The following SGSM1 variants were observed in gnomAD, a reference collection of about 807,000 sequenced individuals.
SGSM1 encodes the protein small G protein signaling modulator 1, also known as RUN and TBC1 domain containing 2.
SGSM1 carries 73 observed loss-of-function variants against 133.8 expected under a neutral mutation model. The ratio of observed to expected loss-of-function variants is 0.55; its 90% confidence interval spans 0.45 to 0.66. SGSM1 has a LOEUF of 0.66. SGSM1 is among the 30% of genes least tolerant of loss of function. The pLI, the probability that SGSM1 is intolerant of heterozygous loss-of-function variation, is 0.00. For synonymous variants in SGSM1, 563 were observed against 573.0 expected, an observed-to-expected ratio of 0.98 and a Z score of 0.25; for missense variants, 1,213 against 1,448.1, an observed-to-expected ratio of 0.84 and a Z score of 2.64.
chr22:24,883,910 A>G, intron 14 of SGSM1, 143 bp from the exon 15 acceptor site: 2 of 971,698 alleles, frequency 2.1e-6, no homozygotes, highest in South Asian at 4.4e-5. Flanking sequence ...GAGCCATGAT[A>G]ATAATAAATA....
intron 8 of SGSM1, 133 bp downstream of exon 8, chr22:24,855,813 C>T (rs1842350066): frequency 3.9e-6 from 5 of 1,296,304 alleles, no homozygotes; most frequent in East Asian, 4.9e-5. Context: ...CATCCACCCG[C>T]CCAACACTCA....
At chr22:24,904,453 G>C (rs575565619) in intron 20 of SGSM1, among the ~76,000 whole-genome samples, 1 of 151,796 alleles carries the variant, frequency 6.6e-6, no homozygotes, top group East Asian at 1.9e-4. Context: ...GGTGGCGGGC[G>C]CCTGTAGTCC....
At chr22:24,825,676 C>CTCA (rs1421033010) in intron 2 of SGSM1, among the ~76,000 whole-genome samples, 6 of 152,168 alleles carry the variant, frequency 3.9e-5, no homozygotes, top group African/African-American at 1.4e-4. Flanking sequence ...GTGATCCACC[C>CTCA]GCCTCAGCCT....
chr22:24,907,464 T>C (rs1192947378), intron 21 of SGSM1, among the ~76,000 whole-genome samples: 1 of 152,006 alleles, frequency 6.6e-6, no homozygotes, highest in East Asian at 1.9e-4. Context: ...GTAGCAATGC[T>C]CTCCAATGAT....
chr22:24,893,326 G>A, intron 16 of SGSM1, 105 bp from the exon 17 acceptor site: 1 of 1,195,460 alleles, frequency 8.4e-7, no homozygotes, highest in Non-Finnish European at 1.2e-6. Flanking sequence ...GATGTTAACT[G>A]CGTGAATGTT....
intron 16 of SGSM1, among the ~76,000 whole-genome samples, chr22:24,887,536 T>A (rs141451047): frequency 1.3e-5 from 2 of 152,358 alleles, no homozygotes; most frequent in African/African-American, 4.8e-5. Context: ...AATCAAGCTG[T>A]AATGAACATT....
intron 8 of SGSM1, 106 bp from the exon 9 acceptor site, chr22:24,859,610 C>T (rs765177432): frequency 3.3e-6 from 5 of 1,498,454 alleles, no homozygotes; most frequent in Non-Finnish European, 4.5e-6. Flanking sequence ...AGGGATTAAC[C>T]CAACCTCTTA....
intron 21 of SGSM1, among the ~76,000 whole-genome samples, chr22:24,905,589 C>A (rs965390416): frequency 6.6e-6 from 1 of 151,922 alleles, no homozygotes; most frequent in Admixed American, 6.6e-5. Flanking sequence ...AGATCGAGAC[C>A]ATCCTGGTGA....
At chr22:24,890,188 C>T (rs1244397895) in intron 16 of SGSM1, among the ~76,000 whole-genome samples, 1 of 151,566 alleles carries the variant, frequency 6.6e-6, no homozygotes, top group East Asian at 1.9e-4. Context: ...GATCTCCTGA[C>T]CTTGTGATCC....
At chr22:24,842,571 A>C (rs779330535) in intron 2 of SGSM1, among the ~76,000 whole-genome samples, 7 of 152,086 alleles carry the variant, frequency 4.6e-5, no homozygotes, top group Non-Finnish European at 8.8e-5. Flanking sequence ...CATAGCCATA[A>C]AGCAAGGAAA....
At chr22:24,826,927 C>T (rs1051625394) in intron 2 of SGSM1, among the ~76,000 whole-genome samples, 1 of 152,050 alleles carries the variant, frequency 6.6e-6, no homozygotes, top group African/African-American at 2.4e-5. Flanking sequence ...AAACTGAGGC[C>T]CAAGGTCACC....
intron 9 of SGSM1, among the ~76,000 whole-genome samples, chr22:24,861,227 C>T (rs987064836): frequency 1.3e-5 from 2 of 151,100 alleles, no homozygotes; most frequent in African/African-American, 2.4e-5. Context: ...GTGGCGGGCA[C>T]CTGTAATCCC....
chr22:24,902,301 A>G (rs563217154), intron 20 of SGSM1, among the ~76,000 whole-genome samples: 1 of 152,154 alleles, frequency 6.6e-6, no homozygotes, highest in Non-Finnish European at 1.5e-5. Context: ...ACTCATAGCC[A>G]TGTCTCTGGC....
rs190576179 is a variant in SGSM1 at position 24,839,800 on chromosome 22, G to T, written c.64-5097G>T. ...TTTGTTTATAGTATTCTCTTATAAT[G>T]GTTTTTTCTGTGGCATCAGTTGTAA... On this transcript the variant is annotated intron_variant, in intron 2 of 24. Transcript: ENST00000400358. Among the ~76,000 whole-genome samples, 5 of 151,830 alleles carry T rather than the reference G, an allele frequency of 3.3e-5. No homozygotes were observed. In the East Asian group the frequency reaches 5.8e-4, roughly 18 times the overall value.
At position 24,912,696 on chromosome 22, in the gene SGSM1, T is replaced by A; in HGVS notation, c.2872T>A (p.Phe958Ile). ...TELMKRMNQN[F>I]PHGGAMDTHF... ...GCTCATGAAGAGGATGAACCAGAAC[T>A]TCCCCCACGGAGGCGCCATGGACAC... The change falls in exon 22 of 25, where the codon TTC becomes ATC. Residue 958 changes from phenylalanine to isoleucine, a missense_variant. Transcript: ENST00000400358. The A allele has an allele frequency of 6.2e-7, 1 of 1,613,826 alleles. No individual in the cohort carries two copies. Among genetic ancestry groups the A allele is most frequent in the Non-Finnish European group, 8.5e-7 (1 of 1,179,892 alleles).
At chr22:24,877,851 C>T (rs1932108512) in intron 13 of SGSM1, among the ~76,000 whole-genome samples, 1 of 127,000 alleles carries the variant, frequency 7.9e-6, no homozygotes, top group Admixed American at 1.0e-4. Context: ...CTTTCTGTCG[C>T]CCAGGCTGGA....
Position 24,898,470 on chromosome 22 carries a change from GAA to G in SGSM1, c.2523_2524del (p.Phe844ProfsTer64). 1 of 1,613,884 alleles carries G rather than the reference GAA, an allele frequency of 6.2e-7. No homozygotes were observed. Among genetic ancestry groups the G allele is most frequent in the Non-Finnish European group, 8.5e-7 (1 of 1,179,870 alleles). On this transcript the variant is annotated frameshift_variant, in exon 19 of 25. Transcript: ENST00000400358. LOFTEE classifies it high-confidence loss of function. Reference sequence around the variant, plus strand: ...CAACCTCTCGGAGGAGCCTGAGATGGAAAGTCTCTTCCCTGCCCTGGCTTCTC... The same window carrying G: ...CAACCTCTCGGAGGAGCCTGAGATGGAGTCTCTTCCCTGCCCTGGCTTCTC... ...EDNLSEEPEM[E>X]SLFPALASLA...
intron 9 of SGSM1, 35 bp from the exon 10 acceptor site, chr22:24,867,058 A>T (rs1185755130): frequency 6.2e-7 from 1 of 1,607,744 alleles, no homozygotes. Flanking sequence ...GGGTAGGCAG[A>T]AGTCCTGCAA....
intron 21 of SGSM1, among the ~76,000 whole-genome samples, chr22:24,907,259 TCAAATAAA>T (rs1223302172): frequency 0.012 from 1,395 of 119,320 alleles, 32 homozygotes; most frequent in African/African-American, 0.044. Context: ...AAACTCCATC[TCAAATAAA>T]TAAATAAATA....
Sources: allele counts gnomAD v4.1 joint callset (sites outside exome capture counted in the v4.1 genomes callset), GRCh38; gene constraint gnomAD v4.1.1; transcripts MANE v1.5; gene names NCBI Gene and HGNC (gene_info 2026-07-23, HGNC 2026-07-21).